PIP4K2A: variants seen among roughly 807,000 people sequenced by gnomAD.
The protein encoded by PIP4K2A is phosphatidylinositol 5-phosphate 4-kinase type-2 alpha.
A neutral mutation model predicts 42.9 loss-of-function variants in PIP4K2A; 14 were observed. The observed-to-expected ratio is 0.33, with a 90% CI of 0.22 to 0.51. The LOEUF (loss-of-function observed/expected upper bound fraction) is 0.51. PIP4K2A is among the 20% of genes least tolerant of loss of function. The pLI is 0.97. For missense variants in PIP4K2A, 434 were observed against 519.8 expected (o/e 0.83, Z 1.61); for synonymous variants, 192 against 192.2 (o/e 1.00, Z 0.01).
At chr10:22,703,743 G>A (rs753836870) in intron 1 of PIP4K2A, among the ~76,000 whole-genome samples, 1 of 152,214 alleles carries the variant, frequency 6.6e-6, no homozygotes, top group African/African-American at 2.4e-5. Context: ...GACTGAAACA[G>A]GGCAAAACTG....
At chr10:22,616,293 G>A (rs912139442) in intron 1 of PIP4K2A, among the ~76,000 whole-genome samples, 10 of 152,114 alleles carry the variant, frequency 6.6e-5, no homozygotes, top group African/African-American at 2.4e-4. Context: ...GCCACACTTG[G>A]CACTAACCTT....
intron 4 of PIP4K2A, among the ~76,000 whole-genome samples, chr10:22,580,838 C>A (rs1481292380): frequency 2.0e-5 from 3 of 152,198 alleles, no homozygotes; most frequent in African/African-American, 7.2e-5. Flanking sequence ...AGGACGTCAT[C>A]AACACAGTTG....
chr10:22,648,231 T>C (rs1184414525), intron 1 of PIP4K2A, among the ~76,000 whole-genome samples: 1 of 152,132 alleles, frequency 6.6e-6, no homozygotes, highest in Non-Finnish European at 1.5e-5. Context: ...AAAAAAAAAG[T>C]ACCAAATAAT....
chr10:22,613,924 T>A (rs1778331), intron 1 of PIP4K2A, among the ~76,000 whole-genome samples: 1 of 151,962 alleles, frequency 6.6e-6, no homozygotes, highest in Non-Finnish European at 1.5e-5. Context: ...GATCCCTGAC[T>A]GTAAGGAGTT....
At chr10:22,710,255 C>T (rs959677054) in intron 1 of PIP4K2A, among the ~76,000 whole-genome samples, 2 of 152,176 alleles carry the variant, frequency 1.3e-5, no homozygotes, top group African/African-American at 2.4e-5. Context: ...TAAAGACCCA[C>T]GGATGTCCAG....
chr10:22,619,279 G>A (rs1838256668), intron 1 of PIP4K2A, among the ~76,000 whole-genome samples: 1 of 152,136 alleles, frequency 6.6e-6, no homozygotes, highest in Admixed American at 6.6e-5. Context: ...TGAAAGTTCT[G>A]AGGTTTCAGA....
intron 1 of PIP4K2A, among the ~76,000 whole-genome samples, chr10:22,650,043 G>A (rs979820180): frequency 2.0e-5 from 3 of 152,110 alleles, no homozygotes; most frequent in Non-Finnish European, 2.9e-5. Flanking sequence ...TATCTCCCCA[G>A]AACCCATCCA....
At position 22,534,931 on chromosome 10, in the gene PIP4K2A, G is replaced by C. The variant is rs1835883398; in HGVS notation, c.*2270C>G. 1 of 152,188 alleles carries C rather than the reference G, an allele frequency of 6.6e-6. No individual in the cohort carries two copies. Among genetic ancestry groups the C allele is most frequent in the African/African-American group, 2.4e-5 (1 of 41,456 alleles). The allele number at this position is 152,188 out of a possible 1,614,324, so 9.4% of individuals were successfully genotyped here. On this transcript the variant is annotated 3_prime_UTR_variant, in exon 10 of 10. Coordinates refer to ENST00000376573, the MANE Select transcript of PIP4K2A (RefSeq NM_005028.5). ...GAGTATTTAAAATGTGTTTGGAACA[G>C]AGACACACAATTGGGACAGAGGAAA...
chr10:22,566,578 C>T (rs1411904579), intron 6 of PIP4K2A, among the ~76,000 whole-genome samples: 1 of 152,178 alleles, frequency 6.6e-6, no homozygotes, highest in Non-Finnish European at 1.5e-5. Flanking sequence ...CAGCTCCGGC[C>T]AGCATCTTCT....
At chr10:22,542,123 G>C in intron 7 of PIP4K2A, 76 bp from the exon 8 acceptor site, 1 of 1,361,234 alleles carries the variant, frequency 7.3e-7, no homozygotes, top group Non-Finnish European at 1.0e-6. Context: ...ACAAGCTCGG[G>C]TGACACCCAG....
At chr10:22,609,954 G>C (rs993593643) in intron 1 of PIP4K2A, among the ~76,000 whole-genome samples, 2 of 152,098 alleles carry the variant, frequency 1.3e-5, no homozygotes, top group Non-Finnish European at 2.9e-5. Flanking sequence ...TGGTGAGGGA[G>C]AGTCAATCCT....
intron 6 of PIP4K2A, among the ~76,000 whole-genome samples, chr10:22,565,803 G>C (rs548102502): frequency 2.6e-4 from 38 of 148,830 alleles, no homozygotes; most frequent in Admixed American, 4.1e-4. Context: ...CCCTGAGAAA[G>C]AGAATACGCG....
At chr10:22,586,847 T>C (rs1433302546) in intron 4 of PIP4K2A, among the ~76,000 whole-genome samples, 11 of 152,200 alleles carry the variant, frequency 7.2e-5, no homozygotes, top group Admixed American at 7.2e-4. Flanking sequence ...GCACTTCTTA[T>C]ATACTAGACA....
At chr10:22,633,015 G>A (rs1301577888) in intron 1 of PIP4K2A, among the ~76,000 whole-genome samples, 1 of 151,982 alleles carries the variant, frequency 6.6e-6, no homozygotes, top group African/African-American at 2.4e-5. Context: ...AGTATACATC[G>A]GGTATCTGCT....
At chr10:22,661,303 A>G (rs902598703) in intron 1 of PIP4K2A, among the ~76,000 whole-genome samples, 1 of 151,148 alleles carries the variant, frequency 6.6e-6, no homozygotes, top group African/African-American at 2.4e-5. Flanking sequence ...TTTTTGATTC[A>G]GACTTGTATA....
rs969159438 is a variant in PIP4K2A at position 22,609,844 on chromosome 10, C to T, written c.145-127G>A. 6.2e-5 allele frequency: 37 copies of T among 592,200 alleles called. No individual in the cohort carries two copies. The African/African-American group carries it at 6.3e-4, about 10-fold the overall frequency. The allele number at this position is 592,200 out of a possible 1,614,324, so 36.7% of individuals were successfully genotyped here. On this transcript the variant is annotated intron_variant, in intron 1 of 9. Coordinates refer to ENST00000376573, the MANE Select transcript of PIP4K2A (RefSeq NM_005028.5). The stretch of plus-strand genomic sequence containing the variant: ...ACTTCTCTTCCCACCCACCAACCCA[C>T]CCTCCTTCCCTCTGCCATCATAATC...
At chr10:22,622,597 C>T (rs1358492395) in intron 1 of PIP4K2A, among the ~76,000 whole-genome samples, 1 of 152,214 alleles carries the variant, frequency 6.6e-6, no homozygotes, top group East Asian at 1.9e-4. Context: ...ATTAATAATT[C>T]CGCCAGTGGG....
At chr10:22,685,534 A>AAAAAC (rs1839747433) in intron 1 of PIP4K2A, among the ~76,000 whole-genome samples, 1 of 151,758 alleles carries the variant, frequency 6.6e-6, no homozygotes, top group Admixed American at 6.6e-5. Context: ...TTTTCTATAA[A>AAAAAC]AAACAAACAA....
chr10:22,707,450 G>A (rs1833842569), intron 1 of PIP4K2A, among the ~76,000 whole-genome samples: 1 of 152,036 alleles, frequency 6.6e-6, no homozygotes, highest in Non-Finnish European at 1.5e-5. Context: ...ATTATGTACT[G>A]GTTCTCTCCC....
Sources: allele counts gnomAD v4.1 joint callset (sites outside exome capture counted in the v4.1 genomes callset), GRCh38; gene constraint gnomAD v4.1.1; transcripts MANE v1.5; gene names NCBI Gene and HGNC (gene_info 2026-07-23, HGNC 2026-07-21).